UCHL1: variants seen among roughly 807,000 people sequenced by gnomAD.
UCHL1 encodes ubiquitin C-terminal hydrolase L1.
UCHL1 carries 5 observed loss-of-function variants against 33.3 expected under a neutral mutation model. The ratio of observed to expected loss-of-function variants is 0.15; its 90% CI spans 0.08 to 0.32. UCHL1 has a LOEUF of 0.32. Among genes scored for constraint, UCHL1 ranks in the 10% least tolerant of loss-of-function variants. The pLI, the probability that UCHL1 is intolerant of heterozygous loss-of-function variation, is 1.00. For synonymous variants in UCHL1, 132 were observed against 108.8 expected (o/e 1.21, Z -1.33); for missense variants, 236 against 280.0 (o/e 0.84, Z 1.12).
intron 3 of UCHL1, among the ~76,000 whole-genome samples, chr4:41,260,435 A>C (rs1252794669): frequency 7.2e-5 from 11 of 152,206 alleles, no homozygotes; most frequent in Admixed American, 7.2e-4. Context: ...ACCAGGGTGG[A>C]GTCTCCGAAC....
At chr4:41,263,197 T>C (rs1363295994) in intron 6 of UCHL1, 28 bp from the exon 7 acceptor site, 1 of 1,593,632 alleles carries the variant, frequency 6.3e-7, no homozygotes, top group East Asian at 2.2e-5. Flanking sequence ...CTTACACTCA[T>C]TTTCAAAAAT....
At chr4:41,262,773 T>C (rs1450480685) in intron 6 of UCHL1, among the ~76,000 whole-genome samples, 1 of 152,076 alleles carries the variant, frequency 6.6e-6, no homozygotes, top group Non-Finnish European at 1.5e-5. Flanking sequence ...CACCTACTAA[T>C]TTTTATATTT....
At chr4:41,267,646 A>C (rs1295315467) in intron 8 of UCHL1, among the ~76,000 whole-genome samples, 3 of 152,236 alleles carry the variant, frequency 2.0e-5, no homozygotes, top group African/African-American at 7.2e-5. Context: ...TTATGGAAGA[A>C]AGATCAATTT....
At chr4:41,258,070 A>T (rs1442561035) in intron 3 of UCHL1, among the ~76,000 whole-genome samples, 3 of 152,196 alleles carry the variant, frequency 2.0e-5, no homozygotes, top group Non-Finnish European at 2.9e-5. Context: ...GTTCCGGGGA[A>T]TGGCTGCTGG....
chr4:41,262,072 A>C, intron 6 of UCHL1, 149 bp downstream of exon 6: 1 of 1,151,838 alleles, frequency 8.7e-7, no homozygotes, highest in Admixed American at 2.2e-5. Context: ...TAATGCTTTG[A>C]CTAGACCTGT....
In UCHL1 at chr4:41,261,922, G is replaced by C. The variant is rs771734476; in HGVS notation, c.458G>C (p.Arg153Pro). The change falls in exon 6 of 9, where the codon CGG becomes CCG. Residue 153 changes from arginine to proline, a missense_variant and splice_region_variant. Physicochemically the swap from Arg to Pro is moderately radical, Grantham distance 103 (BLOSUM62 -2). Transcript: ENST00000284440. ...GCCGTGGCACAGGAAGGCCAATGTC[G>C]GGTAAATGCAAATACAAATCGGAGC... ...HDAVAQEGQC[R>P]VDDKVNFHFI... 6.2e-7 allele frequency: 1 copy of C among 1,614,028 alleles called. No individual in the cohort carries two copies. Among genetic ancestry groups the C allele is most frequent in the Non-Finnish European group, 8.5e-7 (1 of 1,180,008 alleles).
At chr4:41,262,428 C>G (rs568596108) in intron 6 of UCHL1, among the ~76,000 whole-genome samples, 1 of 152,242 alleles carries the variant, frequency 6.6e-6, no homozygotes, top group Non-Finnish European at 1.5e-5. Flanking sequence ...TCTGGGTGAC[C>G]CTGTCTCAAT....
chr4:41,266,751 C>T (rs988019184), intron 8 of UCHL1, among the ~76,000 whole-genome samples: 1 of 152,060 alleles, frequency 6.6e-6, no homozygotes, highest in Non-Finnish European at 1.5e-5. Flanking sequence ...TTCTGAGTAG[C>T]CAGGACTAGA....
intron 8 of UCHL1, 156 bp downstream of exon 8, chr4:41,264,317 T>C (rs1384377506): frequency 2.2e-6 from 2 of 894,414 alleles, no homozygotes; most frequent in Non-Finnish European, 3.6e-6. Context: ...TAACTCTATC[T>C]ACCTTATTTT....
chr4:41,263,958 G>A, intron 7 of UCHL1, 145 bp from the exon 8 acceptor site: 1 of 987,084 alleles, frequency 1.0e-6, no homozygotes, highest in South Asian at 1.3e-5. Flanking sequence ...AACCTCATTT[G>A]CAGCCTCTTG....
In UCHL1 at chr4:41,268,090, C is replaced by G. The variant is rs369814359; in HGVS notation, c.*17C>G. 6.2e-7 allele frequency: 1 copy of G among 1,609,924 alleles called. No homozygotes were observed. Among genetic ancestry groups the G allele is most frequent in the African/African-American group, 1.3e-5 (1 of 75,000 alleles). On this transcript the variant is annotated 3_prime_UTR_variant, in exon 9 of 9. Transcript: ENST00000284440. The stretch of plus-strand genomic sequence containing the variant: ...GCAGCCTAATGCTCTGTGGGAGGGA[C>G]TTTGCTGATTTCCCCTCTTCCCTTC...
At chr4:41,267,929 T>G in intron 8 of UCHL1, 58 bp from the exon 9 acceptor site, 5 of 1,464,680 alleles carry the variant, frequency 3.4e-6, no homozygotes, top group South Asian at 1.2e-5. Flanking sequence ...CCTTTCCCTA[T>G]GTGACTTTCA....
intron 4 of UCHL1, among the ~76,000 whole-genome samples, chr4:41,261,268 C>T (rs926712513): frequency 1.3e-5 from 2 of 152,160 alleles, no homozygotes; most frequent in Non-Finnish European, 2.9e-5. Flanking sequence ...TTTATTAGAA[C>T]ATGATTATAG....
intron 8 of UCHL1, among the ~76,000 whole-genome samples, chr4:41,265,668 C>G (rs1781140648): frequency 6.6e-6 from 1 of 152,138 alleles, no homozygotes; most frequent in Non-Finnish European, 1.5e-5. Flanking sequence ...TAGAAAAGAC[C>G]TCTCTTTGGA....
chr4:41,261,618 G>A, intron 4 of UCHL1, 97 bp from the exon 5 acceptor site: 2 of 1,316,632 alleles, frequency 1.5e-6, no homozygotes, highest in Non-Finnish European at 2.2e-6. Flanking sequence ...TAAAGATTCA[G>A]GTTGCTCAGC....
At chr4:41,257,578 T>C in intron 2 of UCHL1, 31 bp from the exon 3 acceptor site, 1 of 1,492,344 alleles carries the variant, frequency 6.7e-7, no homozygotes, top group Non-Finnish European at 8.9e-7. Context: ...CGTGTCCCCG[T>C]GCGCCTGGCC....
Position 41,264,273 on chromosome 4 carries a change from A to C in UCHL1, c.585+112A>C, listed in dbSNP as rs1781120420. On this transcript the variant is annotated intron_variant, in intron 8 of 8. Transcript: ENST00000284440. Reference sequence around the variant, plus strand: ...ATAGCCAGCATCAGTTGCCTGGGTTAATAGCAGTCTTTAGGGCTGCAAGAT... The same window carrying C: ...ATAGCCAGCATCAGTTGCCTGGGTTCATAGCAGTCTTTAGGGCTGCAAGAT... 2.2e-6 allele frequency: 3 copies of C among 1,382,304 alleles called. No homozygotes were observed. In the African/African-American group the frequency reaches 4.3e-5, roughly 20 times the overall value. 85.6% of individuals were successfully genotyped at this position (1,382,304 alleles called of 1,614,324 possible).
intron 6 of UCHL1, 122 bp downstream of exon 6, chr4:41,262,045 A>G: frequency 2.2e-6 from 3 of 1,368,506 alleles, no homozygotes; most frequent in South Asian, 1.2e-5. Context: ...AAATGACACC[A>G]GAAAGTTCTA....
chr4:41,258,348 C>T (rs1218377955), intron 3 of UCHL1, among the ~76,000 whole-genome samples: 2 of 152,200 alleles, frequency 1.3e-5, no homozygotes, highest in African/African-American at 2.4e-5. Flanking sequence ...TGGGAACCTC[C>T]TTCCTCTTCA....
Sources: allele counts gnomAD v4.1 joint callset (sites outside exome capture counted in the v4.1 genomes callset), GRCh38; gene constraint gnomAD v4.1.1; transcripts MANE v1.5; gene names NCBI Gene and HGNC (gene_info 2026-07-23, HGNC 2026-07-21).